The following TMEM114 variants were observed in gnomAD, a reference collection of about 807,000 sequenced individuals.
TMEM114 encodes the protein claudin-26.
TMEM114 carries 6 observed loss-of-function variants against 6.2 expected under a neutral mutation model. The observed-to-expected ratio is 0.97, with a 90% CI of 0.53 to 1.91. The LOEUF is 1.91. Among genes scored for constraint, TMEM114 ranks in the 40% most tolerant of loss-of-function variants. The pLI is 0.01. For missense variants in TMEM114, 218 were observed against 158.3 expected (o/e 1.38, Z -2.02); for synonymous variants, 104 against 73.0 (o/e 1.42, Z -2.16).
downstream of TMEM114, among the ~76,000 whole-genome samples, chr16:8,535,142 A>G (rs1596462648): frequency 6.6e-6 from 1 of 152,300 alleles, no homozygotes; most frequent in East Asian, 1.9e-4. Context: ...TGTGTCCCCC[A>G]TCAATAAACA....
downstream of TMEM114, among the ~76,000 whole-genome samples, chr16:8,532,704 C>G (rs897555941): frequency 2.6e-5 from 4 of 152,086 alleles, no homozygotes; most frequent in Admixed American, 6.6e-5. Flanking sequence ...GCGGGCGACT[C>G]ACGAGGTCAG....
the TMEM114 span, among the ~76,000 whole-genome samples, chr16:8,528,733 T>A: frequency 6.6e-6 from 1 of 152,248 alleles, no homozygotes; most frequent in Non-Finnish European, 1.5e-5. Context: ...TTATAAAGCA[T>A]GAAAGTGCTA....
chr16:8,554,426 T>C (rs1242138964), intron 2 of TMEM114, among the ~76,000 whole-genome samples: 1 of 152,164 alleles, frequency 6.6e-6, no homozygotes, highest in East Asian at 1.9e-4. Context: ...ATAATAAAAA[T>C]GAGGCACCAT....
At chr16:8,550,577 C>T (rs1185594029) in intron 2 of TMEM114, among the ~76,000 whole-genome samples, 1 of 151,858 alleles carries the variant, frequency 6.6e-6, no homozygotes, top group Non-Finnish European at 1.5e-5. Flanking sequence ...ACTCTGGAGG[C>T]TGAGGCAGAA....
chr16:8,588,613 C>CT (rs1382036839), intron 2 of TMEM114, among the ~76,000 whole-genome samples: 5 of 152,216 alleles, frequency 3.3e-5, no homozygotes, highest in Non-Finnish European at 5.9e-5. Context: ...AGGCACTGAG[C>CT]TGGGTACTAA....
At chr16:8,555,032 T>G (rs74932556) in intron 2 of TMEM114, among the ~76,000 whole-genome samples, 4,273 of 152,328 alleles carry the variant, frequency 0.028, 201 homozygotes, top group African/African-American at 0.098. Flanking sequence ...ACCAGGGCCT[T>G]CCCACTCATG....
At chr16:8,547,357 C>T (rs761894265) in intron 2 of TMEM114, among the ~76,000 whole-genome samples, 2 of 151,450 alleles carry the variant, frequency 1.3e-5, no homozygotes, top group African/African-American at 4.8e-5. Context: ...TTCCCATTGC[C>T]CCTGAAGAGA....
chr16:8,577,738 C>T (rs921988336), intron 2 of TMEM114, among the ~76,000 whole-genome samples: 12 of 151,346 alleles, frequency 7.9e-5, no homozygotes, highest in Admixed American at 1.3e-4. Flanking sequence ...CGCCCGCCAT[C>T]CCTCCTGGCG....
At chr16:8,554,691 C>A (rs919454034) in intron 2 of TMEM114, among the ~76,000 whole-genome samples, 2 of 150,766 alleles carry the variant, frequency 1.3e-5, no homozygotes, top group Non-Finnish European at 3.0e-5. Flanking sequence ...GGTTCAAAAT[C>A]CTGGAAATGA....
Position 8,569,831 on chromosome 16 carries a change from G to C in TMEM114, c.614C>G (p.Ala205Gly), listed in dbSNP as rs1387881309. 1.3e-6 allele frequency: 2 copies of C among 1,550,898 alleles called. No homozygotes were observed. The highest frequency in any genetic ancestry group is 1.4e-5 in the African/African-American group (1 of 73,048). ...SFIAELLTGA[A>G]FLAAARELSL... The stretch of plus-strand genomic sequence containing the variant: ...GAGCTCGCGGGCTGCTGCCAGGAAG[G>C]CTGCCCCGGTGAGCAGCTCGGCGAT... The change falls in exon 4 of 4, where the codon GCC (alanine) becomes GGC (glycine). Residue 205 changes from alanine (A) to glycine (G), a missense_variant. Transcript: ENST00000620492.
Position 8,537,667 on chromosome 16 carries a change from T to C in TMEM114, n.372A>G, listed in dbSNP as rs2141645204. On this transcript the variant is annotated non_coding_transcript_exon_variant, in exon 3 of 3. Coordinates refer to the TMEM114 transcript ENST00000623677. ...TTTTCATAACCATGATAATATCATATGATATCATATGGTGTGAAGCTACAA... is the reference window on the plus strand; with the variant it reads ...TTTTCATAACCATGATAATATCATACGATATCATATGGTGTGAAGCTACAA... 2 of 152,360 alleles carry C rather than the reference T, an allele frequency of 1.3e-5. 1 individual carries two copies. The highest frequency in any genetic ancestry group is 4.1e-4 in the South Asian group (2 of 4,828). The allele number at this position is 152,360 out of a possible 1,614,324, so 9.4% of individuals were successfully genotyped here.
chr16:8,563,213 G>C (rs1222392457), intron 2 of TMEM114, among the ~76,000 whole-genome samples: 1 of 151,578 alleles, frequency 6.6e-6, no homozygotes, highest in Admixed American at 6.6e-5. Context: ...GAATGAGTGA[G>C]CAAATAAGTA....
chr16:8,552,999 G>A (rs1300952987), intron 2 of TMEM114, among the ~76,000 whole-genome samples: 1 of 152,178 alleles, frequency 6.6e-6, no homozygotes, highest in Non-Finnish European at 1.5e-5. Context: ...TCCTTTGATG[G>A]CTTGGCTCTG....
intron 2 of TMEM114, among the ~76,000 whole-genome samples, chr16:8,550,619 A>C (rs1401615958): frequency 6.6e-6 from 1 of 151,588 alleles, no homozygotes; most frequent in East Asian, 2.0e-4. Flanking sequence ...CAGAGGTTGC[A>C]GTGAGCTGAG....
chr16:8,550,142 C>T (rs962712443), intron 2 of TMEM114, among the ~76,000 whole-genome samples: 5 of 152,218 alleles, frequency 3.3e-5, no homozygotes, highest in Non-Finnish European at 7.3e-5. Context: ...CAGCTTCTTC[C>T]ACCATCTTCT....
chr16:8,536,224 C>CA (rs34583203), downstream of TMEM114, among the ~76,000 whole-genome samples: 1,484 of 107,380 alleles, frequency 0.014, 10 homozygotes, highest in East Asian at 0.052. Flanking sequence ...AACTCTGTCT[C>CA]AAAAAAAAAA....
chr16:8,557,014 A>G (rs575876030), intron 2 of TMEM114, among the ~76,000 whole-genome samples: 3 of 152,272 alleles, frequency 2.0e-5, no homozygotes, highest in South Asian at 4.1e-4. Context: ...CTGAGATCCC[A>G]TGGAAGAAAT....
At chr16:8,552,076 A>G (rs4322647) in intron 2 of TMEM114, among the ~76,000 whole-genome samples, 67,701 of 151,760 alleles carry the variant, frequency 0.45, 15,832 homozygotes, top group African/African-American at 0.57. Context: ...CAGGGGTGAA[A>G]CAAGGACTAT....
At chr16:8,567,101 G>T (rs1270089361), downstream of TMEM114, among the ~76,000 whole-genome samples, 24 of 150,156 alleles carry the variant, frequency 1.6e-4, no homozygotes, top group African/African-American at 5.4e-4. Context: ...TAGAGATGGG[G>T]TTTCACCATG....
Sources: allele counts gnomAD v4.1 joint callset (sites outside exome capture counted in the v4.1 genomes callset), GRCh38; gene constraint gnomAD v4.1.1; transcripts MANE v1.5; gene names NCBI Gene and HGNC (gene_info 2026-07-23, HGNC 2026-07-21).